B3GLCT: variants seen among roughly 807,000 people sequenced by gnomAD.
B3GLCT encodes beta 3-glucosyltransferase.
Under a neutral mutation model 63.4 loss-of-function variants are expected in B3GLCT, and 65 were observed. That is an observed-to-expected ratio of 1.03 (90% CI 0.84 to 1.26). The LOEUF (loss-of-function observed/expected upper bound fraction) is 1.26, where lower values mean the gene tolerates loss of function less well. Among genes scored for constraint, B3GLCT ranks in the 50% most tolerant of loss-of-function variants. The pLI, the probability that B3GLCT is intolerant of heterozygous loss-of-function variation, is 0.00. For missense variants in B3GLCT, 577 were observed against 604.8 expected (o/e 0.95, Z 0.48); for synonymous variants, 233 against 219.2 (o/e 1.06, Z -0.55).
intron 12 of B3GLCT, among the ~76,000 whole-genome samples, chr13:31,297,025 G>GTTT (rs79964378): frequency 2.1e-5 from 3 of 142,618 alleles, no homozygotes; most frequent in Non-Finnish European, 4.6e-5. Flanking sequence ...TACAGTACTT[G>GTTT]TTTTTTTTTT....
In B3GLCT at chr13:31,284,713, G is replaced by A. The variant is rs1002965291; in HGVS notation, c.916G>A (p.Glu306Lys). 3 of 1,611,224 alleles carry A rather than the reference G, an allele frequency of 1.9e-6. No homozygotes were observed. The highest frequency in any genetic ancestry group is 2.5e-6 in the Non-Finnish European group (3 of 1,177,396). ...SLIEYYSDYT[E>K]NSIPTVDLGI... ...CATTGAATACTATAGTGACTATACT[G>A]AAAATTCCATTCCTACTGTGGATTT... The change falls in exon 11 of 15, where the codon GAA becomes AAA. Residue 306 changes from glutamate (E) to lysine (K), a missense_variant. By Grantham distance (56) the Glu-to-Lys change is moderately conservative. Transcript: ENST00000343307.
intron 12 of B3GLCT, 85 bp from the exon 13 acceptor site, chr13:31,317,479 TAC>T: frequency 6.8e-7 from 1 of 1,475,406 alleles, no homozygotes; most frequent in South Asian, 1.1e-5. Context: ...TTACACAGTA[TAC>T]AGAGTGGGAT....
intron 9 of B3GLCT, among the ~76,000 whole-genome samples, chr13:31,276,166 G>C (rs1344982535): frequency 1.3e-5 from 2 of 152,098 alleles, no homozygotes; most frequent in Non-Finnish European, 2.9e-5. Context: ...CCTACCTTTG[G>C]CAGAGGAGAA....
At chr13:31,285,891 A>G (rs1011582890) in intron 11 of B3GLCT, among the ~76,000 whole-genome samples, 1 of 152,154 alleles carries the variant, frequency 6.6e-6, no homozygotes, top group African/African-American at 2.4e-5. Flanking sequence ...CTTATTGTCT[A>G]TATTTATATT....
intron 6 of B3GLCT, among the ~76,000 whole-genome samples, chr13:31,255,037 C>CA (rs59957215): frequency 0.3 from 39,243 of 130,254 alleles, 6,224 homozygotes; most frequent in Non-Finnish European, 0.39. Context: ...GACGCTGTCT[C>CA]AAAAAAAAAA....
At chr13:31,229,061 T>G (rs1870239140) in intron 3 of B3GLCT, 124 bp from the exon 4 acceptor site, 2 of 677,524 alleles carry the variant, frequency 3.0e-6, no homozygotes, top group South Asian at 3.5e-5. Flanking sequence ...TACGAATTGA[T>G]TTTTTCCCAT....
At chr13:31,209,344 C>T (rs183426940) in intron 1 of B3GLCT, among the ~76,000 whole-genome samples, 216 of 152,290 alleles carry the variant, frequency 1.4e-3, no homozygotes, top group African/African-American at 5.0e-3. Context: ...GTTGGCTATG[C>T]GCCATGCATC....
intron 4 of B3GLCT, among the ~76,000 whole-genome samples, chr13:31,239,159 G>A (rs1291316588): frequency 6.6e-6 from 1 of 152,216 alleles, no homozygotes; most frequent in Non-Finnish European, 1.5e-5. Flanking sequence ...TGTGTTGGGA[G>A]TGGAATGTGA....
chr13:31,235,661 A>T (rs1026650458), intron 4 of B3GLCT, among the ~76,000 whole-genome samples: 1 of 152,182 alleles, frequency 6.6e-6, no homozygotes, highest in African/African-American at 2.4e-5. Flanking sequence ...TGTTGCTGGC[A>T]CCACCACTGT....
At chr13:31,221,003 T>A (rs1869782448) in intron 2 of B3GLCT, among the ~76,000 whole-genome samples, 2 of 152,058 alleles carry the variant, frequency 1.3e-5, no homozygotes, top group African/African-American at 4.8e-5. Context: ...TAAAGCATGC[T>A]TCCCGAGGAA....
chr13:31,208,559 C>G (rs1186750589), intron 1 of B3GLCT, among the ~76,000 whole-genome samples: 1 of 151,404 alleles, frequency 6.6e-6, no homozygotes, highest in Non-Finnish European at 1.5e-5. Context: ...CCCTCCCTTC[C>G]CGTCTCACCC....
At chr13:31,277,281 TACAA>T (rs1593292096) in intron 10 of B3GLCT, among the ~76,000 whole-genome samples, 1 of 152,080 alleles carries the variant, frequency 6.6e-6, no homozygotes, top group South Asian at 2.1e-4. Flanking sequence ...AAAGCCGCGG[TACAA>T]ACAGTGAATC....
intron 12 of B3GLCT, among the ~76,000 whole-genome samples, chr13:31,304,613 A>C (rs1277986114): frequency 1.9e-5 from 1 of 53,212 alleles, no homozygotes. Flanking sequence ...GGATCAATTC[A>C]ACAAGAGGAG....
chr13:31,276,043 G>C (rs1403651678), intron 9 of B3GLCT, among the ~76,000 whole-genome samples: 2 of 152,146 alleles, frequency 1.3e-5, no homozygotes, highest in African/African-American at 4.8e-5. Context: ...GGGTCATGAA[G>C]GGCTTGGGTG....
intron 4 of B3GLCT, among the ~76,000 whole-genome samples, chr13:31,238,236 G>A (rs185152728): frequency 1.3e-5 from 2 of 152,246 alleles, no homozygotes; most frequent in Admixed American, 1.3e-4. Context: ...TATTAAAAAC[G>A]GAAACATTTT....
intron 12 of B3GLCT, among the ~76,000 whole-genome samples, chr13:31,301,422 C>A (rs1874217366): frequency 6.6e-6 from 1 of 152,216 alleles, no homozygotes; most frequent in African/African-American, 2.4e-5. Flanking sequence ...TTTTACAGTA[C>A]TGGATAGGGG....
rs1871229298 is a variant in B3GLCT, at chr13:31,247,065, G to C, written c.313G>C (p.Glu105Gln). The C allele has an allele frequency of 6.2e-7, 1 of 1,612,414 alleles. No homozygotes were observed. ...CCTCCTTCATCAGCTGGCTAAACAA[G>C]AAGGTGCATGGACCATACTTCCGTT... Reference protein sequence around the residue: ...VLLLHQLAKQEGAWTILPLLP... With the variant: ...VLLLHQLAKQQGAWTILPLLP... The change falls in exon 5 of 15, where the codon GAA becomes CAA. Residue 105 changes from glutamate to glutamine, a missense_variant. Coordinates refer to ENST00000343307, the MANE Select transcript of B3GLCT (RefSeq NM_194318.4).
chr13:31,294,088 A>G (rs1293107018), intron 12 of B3GLCT, among the ~76,000 whole-genome samples: 1 of 152,112 alleles, frequency 6.6e-6, no homozygotes, highest in Non-Finnish European at 1.5e-5. Flanking sequence ...CTGGATATGA[A>G]ATTCTGGGTT....
chr13:31,221,533 G>A (rs1869812187), intron 2 of B3GLCT, among the ~76,000 whole-genome samples: 1 of 152,150 alleles, frequency 6.6e-6, no homozygotes, highest in Non-Finnish European at 1.5e-5. Context: ...TTGATCCATC[G>A]TGAGAGTTAA....
Sources: gnomAD v4.1 joint callset for allele counts (sites outside exome capture counted in the v4.1 genomes callset) on GRCh38, gnomAD v4.1.1 for gene constraint, MANE v1.5 for transcripts, NCBI Gene and HGNC (gene_info 2026-07-23, HGNC 2026-07-21) for gene names.